The following FHAD1 variants were observed in gnomAD, a reference collection of about 807,000 sequenced individuals.
The protein encoded by FHAD1 is forkhead-associated domain-containing protein 1.
Under a neutral mutation model 191.3 loss-of-function variants are expected in FHAD1, and 146 were observed. The ratio of observed to expected loss-of-function variants is 0.76; its 90% CI spans 0.67 to 0.88. The LOEUF is 0.88. Among genes scored for constraint, FHAD1 ranks in the 40% least tolerant of loss-of-function variants. The pLI is 0.00. For missense variants in FHAD1, 1,635 were observed against 1,785.8 expected (o/e 0.92, Z 1.52); for synonymous variants, 616 against 672.3 (o/e 0.92, Z 1.29).
intron 2 of FHAD1, among the ~76,000 whole-genome samples, chr1:15,266,958 G>C (rs2101094559): frequency 6.6e-6 from 1 of 151,934 alleles, no homozygotes; most frequent in South Asian, 2.1e-4. Context: ...CTACCAGTTT[G>C]TTTATCCATT....
At chr1:15,260,303 C>T (rs894675176) in intron 2 of FHAD1, among the ~76,000 whole-genome samples, 16 of 152,188 alleles carry the variant, frequency 1.1e-4, no homozygotes, top group Non-Finnish European at 1.6e-4. Context: ...AACTGTGTTA[C>T]GAGACTGAAT....
At chr1:15,386,300 T>A (rs1702073479) in intron 31 of FHAD1, among the ~76,000 whole-genome samples, 1 of 152,190 alleles carries the variant, frequency 6.6e-6, no homozygotes, top group Non-Finnish European at 1.5e-5. Flanking sequence ...TTCAATGAGC[T>A]TCCTGCCCGC....
chr1:15,305,802 C>A, intron 6 of FHAD1: 1 of 444,670 alleles, frequency 2.2e-6, no homozygotes, highest in Non-Finnish European at 4.5e-6. Flanking sequence ...TCTGAGGCCT[C>A]CCCGGCCATG....
intron 26 of FHAD1, among the ~76,000 whole-genome samples, chr1:15,373,011 A>G (rs911494108): frequency 3.3e-5 from 5 of 152,348 alleles, no homozygotes; most frequent in Admixed American, 2.0e-4. Flanking sequence ...GCCTTGGCAC[A>G]TAGAGGTGCT....
chr1:15,237,579 A>C (rs567681690), intron 1 of FHAD1, among the ~76,000 whole-genome samples: 38 of 152,284 alleles, frequency 2.5e-4, no homozygotes, highest in South Asian at 2.5e-3. Flanking sequence ...TCTACTGAGA[A>C]TCCTAGTGAC....
At chr1:15,256,445 G>A (rs1010722215) in intron 2 of FHAD1, among the ~76,000 whole-genome samples, 11 of 152,018 alleles carry the variant, frequency 7.2e-5, no homozygotes, top group Non-Finnish European at 1.5e-5. Flanking sequence ...TTGAGGTCAG[G>A]AGTTCGAGAC....
At chr1:15,372,203 GA>G (rs1327276827) in intron 26 of FHAD1, among the ~76,000 whole-genome samples, 1 of 144,904 alleles carries the variant, frequency 6.9e-6, no homozygotes, top group African/African-American at 2.5e-5. Context: ...GAGCCAGAAG[GA>G]AGGAAGGGAA....
intron 21 of FHAD1, among the ~76,000 whole-genome samples, chr1:15,358,876 C>T (rs972520307): frequency 1.8e-4 from 27 of 152,110 alleles, no homozygotes; most frequent in African/African-American, 5.3e-4. Context: ...GAGGGTGTGG[C>T]GTTGGAGAGA....
In FHAD1 at chr1:15,289,520, C is replaced by G; in HGVS notation, c.422C>G (p.Pro141Arg). Residue 141 changes from proline to arginine, a missense_variant, in exon 4 of 34, where the codon CCA becomes CGA. Transcript: ENST00000688493. The surrounding 1 kb of genome is among the most constrained non-coding windows in gnomAD (Gnocchi z 4.2). ...ATCCCCTTCCACCAAGGTGTCCAGCCAGCACCGATGCAAAGGAGCTGGTCC... is the reference window on the plus strand; with the variant it reads ...ATCCCCTTCCACCAAGGTGTCCAGCGAGCACCGATGCAAAGGAGCTGGTCC... ...SHIPFHQGVQ[P>R]APMQRSWSQA... The G allele has an allele frequency of 6.4e-7, 1 of 1,551,908 alleles. No individual in the cohort carries two copies. Among genetic ancestry groups the G allele is most frequent in the South Asian group, 1.2e-5 (1 of 84,058 alleles).
intron 2 of FHAD1, among the ~76,000 whole-genome samples, chr1:15,252,459 G>T (rs1646900302): frequency 6.6e-6 from 1 of 152,242 alleles, no homozygotes; most frequent in African/African-American, 2.4e-5. Flanking sequence ...CATGGCAACA[G>T]TACGTTGACA....
At chr1:15,236,727 G>A (rs1644823336) in exon 1 of FHAD1, among the ~76,000 whole-genome samples, 1 of 152,218 alleles carries the variant, frequency 6.6e-6, no homozygotes, top group Non-Finnish European at 1.5e-5. Flanking sequence ...GAGGTCTGAT[G>A]ACATCACTTG....
intron 2 of FHAD1, among the ~76,000 whole-genome samples, chr1:15,258,237 C>T (rs181237294): frequency 6.6e-6 from 1 of 152,212 alleles, no homozygotes; most frequent in African/African-American, 2.4e-5. Flanking sequence ...ATTCCCCTTC[C>T]CCTCCCAGCC....
chr1:15,394,302 T>G (rs1387248107), intron 33 of FHAD1, among the ~76,000 whole-genome samples: 1 of 152,146 alleles, frequency 6.6e-6, no homozygotes, highest in Non-Finnish European at 1.5e-5. Context: ...ACTCCCTGGC[T>G]CCAACTCTGA....
Position 15,301,309 on chromosome 1 carries a change from G to A in FHAD1, c.783G>A (p.Val261=), listed in dbSNP as rs758448498. 1.2e-5 allele frequency: 18 copies of A among 1,551,766 alleles called. No individual in the cohort carries two copies. In the South Asian group the frequency reaches 2.1e-4, roughly 18 times the overall value. Residue 261 remains valine, a synonymous_variant, in exon 6 of 34, where the codon GTG becomes GTA. Transcript: ENST00000688493. ...TAATAGCAAACCTGCAGAATGAAGT[G>A]GCTGAGCTGAGTCAGAAGGTGTCAG... ...DVIIANLQNE[V]AELSQKVSET... is the part of the protein sequence containing the mutation.
chr1:15,261,991 A>G (rs956266027), intron 2 of FHAD1, among the ~76,000 whole-genome samples: 3 of 152,164 alleles, frequency 2.0e-5, no homozygotes, highest in African/African-American at 4.8e-5. Context: ...CCTGGGCAAC[A>G]TAGCAAGCCC....
downstream of FHAD1, among the ~76,000 whole-genome samples, chr1:15,401,238 C>A (rs1198991600): frequency 6.6e-6 from 1 of 152,222 alleles, no homozygotes. Flanking sequence ...CAGGCTTGGA[C>A]ATCAGGAGCT....
At position 15,388,042 on chromosome 1, in the gene FHAD1, T is replaced by C. The variant is rs1306762580; in HGVS notation, c.4189-9T>C. On this transcript the variant is annotated splice_polypyrimidine_tract_variant and intron_variant, in intron 31 of 33. Transcript: ENST00000688493. ...GCACTCTCTTGCTAACCTGATACTT[T>C]TCACTCAGGAAAGTGTAGAGGAGCA... 2 of 1,287,428 alleles carry C rather than the reference T, an allele frequency of 1.6e-6. No homozygotes were observed. Among genetic ancestry groups the C allele is most frequent in the Non-Finnish European group, 2.0e-6 (2 of 986,700 alleles). The allele number at this position is 1,287,428 out of a possible 1,614,324, so 79.8% of individuals were successfully genotyped here.
chr1:15,370,622 C>T (rs1171121675), intron 26 of FHAD1, among the ~76,000 whole-genome samples: 1 of 152,170 alleles, frequency 6.6e-6, no homozygotes, highest in East Asian at 1.9e-4. Context: ...ATGCACCTGC[C>T]CAGAAGCATC....
intron 1 of FHAD1, 134 bp downstream of exon 1, chr1:15,247,529 GAGCACCCCAGT>G (rs1294777871): frequency 6.2e-6 from 1 of 161,936 alleles, no homozygotes; most frequent in East Asian, 1.9e-4. Context: ...CGGTCCCCAG[GAGCACCCCAGT>G]AGCTACCCCA....
Sources: gnomAD v4.1 joint callset for allele counts (sites outside exome capture counted in the v4.1 genomes callset) on GRCh38, gnomAD v4.1.1 for gene constraint, Gnocchi (gnomAD v3.1) non-coding constraint, MANE v1.5 for transcripts, NCBI Gene and HGNC (gene_info 2026-07-23, HGNC 2026-07-21) for gene names.